The following TMEM74 variants were observed in gnomAD, a reference collection of about 807,000 sequenced individuals.
TMEM74 encodes transmembrane protein 74.
A neutral mutation model predicts 18.1 loss-of-function variants in TMEM74; 13 were observed. That is an observed-to-expected ratio of 0.72 (90% confidence interval 0.47 to 1.14). The LOEUF is 1.14. TMEM74 is among the 50% of genes most tolerant of loss of function. TMEM74 has a pLI of 0.00. For synonymous variants in TMEM74, 159 were observed against 146.6 expected (o/e 1.08, Z -0.61); for missense variants, 372 against 375.9 (o/e 0.99, Z 0.09).
At chr8:108,651,895 A>T (rs1467471996) in intron 2 of TMEM74, among the ~76,000 whole-genome samples, 1 of 151,816 alleles carries the variant, frequency 6.6e-6, no homozygotes, top group East Asian at 1.9e-4. Flanking sequence ...GTACGTTGAG[A>T]TTACAATGAC....
chr8:108,777,094 C>A (rs557213814), downstream of TMEM74, among the ~76,000 whole-genome samples: 43 of 152,292 alleles, frequency 2.8e-4, 1 homozygote, highest in South Asian at 5.6e-3. Flanking sequence ...CTATCAGAGT[C>A]TTGCAAGGCA....
chr8:108,654,312 C>T (rs923938264), intron 2 of TMEM74, among the ~76,000 whole-genome samples: 2 of 152,084 alleles, frequency 1.3e-5, no homozygotes, highest in Non-Finnish European at 2.9e-5. Context: ...CTTACCTTGT[C>T]TGTGTCTTAG....
intron 2 of TMEM74, among the ~76,000 whole-genome samples, chr8:108,613,715 T>C (rs1220814978): frequency 6.6e-6 from 1 of 152,198 alleles, no homozygotes; most frequent in Non-Finnish European, 1.5e-5. Flanking sequence ...TGAATTCACT[T>C]TCAAAGTCCA....
At chr8:108,705,390 A>G (rs1440856708) in intron 1 of TMEM74, among the ~76,000 whole-genome samples, 2 of 152,168 alleles carry the variant, frequency 1.3e-5, no homozygotes, top group African/African-American at 4.8e-5. Context: ...TGATTAGGAG[A>G]GAAAAAGGAG....
At chr8:108,774,114 G>C (rs1377101713), downstream of TMEM74, among the ~76,000 whole-genome samples, 2 of 152,110 alleles carry the variant, frequency 1.3e-5, no homozygotes, top group Non-Finnish European at 2.9e-5. Context: ...TTGATATGTA[G>C]AAATGAAGAA....
chr8:108,734,421 T>A (rs1813725388), intron 1 of TMEM74, among the ~76,000 whole-genome samples: 1 of 152,064 alleles, frequency 6.6e-6, no homozygotes, highest in South Asian at 2.1e-4. Flanking sequence ...CATCAGTCTA[T>A]CTATCTGTTT....
intron 1 of TMEM74, among the ~76,000 whole-genome samples, chr8:108,664,833 A>T (rs76760663): frequency 0.038 from 5,726 of 152,176 alleles, 159 homozygotes; most frequent in East Asian, 0.12. Flanking sequence ...GGTCTAGATC[A>T]TAGATCCGCT....
intron 1 of TMEM74, among the ~76,000 whole-genome samples, chr8:108,686,655 C>G (rs1208529532): frequency 6.7e-6 from 1 of 149,792 alleles, no homozygotes; most frequent in Admixed American, 6.7e-5. Context: ...CTCACTCAGT[C>G]AGGTTCTAAG....
chr8:108,686,667 C>T (rs1813173385), intron 1 of TMEM74, among the ~76,000 whole-genome samples: 1 of 136,122 alleles, frequency 7.3e-6, no homozygotes, highest in Non-Finnish European at 1.6e-5. Context: ...GGTTCTAAGT[C>T]CAACATTTGT....
intron 1 of TMEM74, among the ~76,000 whole-genome samples, chr8:108,726,450 T>C (rs760236878): frequency 6.6e-6 from 1 of 152,204 alleles, no homozygotes; most frequent in African/African-American, 2.4e-5. Flanking sequence ...ATTTTGTAGA[T>C]AGAAGAAACT....
intron 2 of TMEM74, among the ~76,000 whole-genome samples, chr8:108,654,695 C>T (rs924019869): frequency 2.0e-5 from 3 of 151,876 alleles, no homozygotes; most frequent in African/African-American, 7.2e-5. Context: ...AATTATTATG[C>T]CTGAATCAAT....
intron 1 of TMEM74, among the ~76,000 whole-genome samples, chr8:108,750,737 T>C (rs1328239925): frequency 6.6e-6 from 1 of 152,090 alleles, no homozygotes; most frequent in Non-Finnish European, 1.5e-5. Context: ...ACACTGCGCA[T>C]ACTCAACTCC....
chr8:108,783,857 C>G lies in TMEM74; in HGVS notation c.*324G>C, dbSNP rs887926796. On this transcript the variant is annotated 3_prime_UTR_variant, in exon 2 of 2. Transcript: ENST00000297459. The stretch of plus-strand genomic sequence containing the variant: ...CCACCTAGTGTCCAAAGAATAACAT[C>G]ATATATTTGTGTAAAAGAAATAATT... The G allele has an allele frequency of 5.2e-6, 1 of 191,456 alleles. No individual in the cohort carries two copies. The highest frequency in any genetic ancestry group is 2.4e-5 in the African/African-American group (1 of 42,426). 11.9% of individuals were successfully genotyped at this position (191,456 alleles called of 1,614,324 possible).
intron 1 of TMEM74, among the ~76,000 whole-genome samples, chr8:108,750,496 C>A (rs1813893405): frequency 6.6e-6 from 1 of 151,998 alleles, no homozygotes; most frequent in Non-Finnish European, 1.5e-5. Flanking sequence ...GATGGTTTGG[C>A]AGTTATGACA....
intron 1 of TMEM74, among the ~76,000 whole-genome samples, chr8:108,773,384 C>T (rs944215060): frequency 1.3e-5 from 2 of 152,042 alleles, no homozygotes; most frequent in Non-Finnish European, 2.9e-5. Flanking sequence ...AATTAAAATA[C>T]TAATTAAGTA....
chr8:108,722,293 G>A (rs772999334), intron 1 of TMEM74, among the ~76,000 whole-genome samples: 12 of 152,162 alleles, frequency 7.9e-5, no homozygotes, highest in Non-Finnish European at 1.8e-4. Context: ...GGTGTGAGGA[G>A]CACTATTTTA....
At chr8:108,619,672 A>G (rs550452501) in intron 2 of TMEM74, among the ~76,000 whole-genome samples, 2 of 152,298 alleles carry the variant, frequency 1.3e-5, no homozygotes, top group East Asian at 3.9e-4. Flanking sequence ...TGAAGCCTAG[A>G]GTAAGGAGGC....
Position 108,779,129 on chromosome 8 carries a change from G to C in TMEM74, c.*5052C>G, listed in dbSNP as rs564696689. ...TATTTTAAAATGATATGACACACTTGCTATTAACATATAAGGCATCAAGTG... is the reference window on the plus strand; with the variant it reads ...TATTTTAAAATGATATGACACACTTCCTATTAACATATAAGGCATCAAGTG... On this transcript the variant is annotated 3_prime_UTR_variant, in exon 2 of 2. Transcript: ENST00000297459. Among the ~76,000 whole-genome samples, 25 of 152,206 alleles carry C rather than the reference G, an allele frequency of 1.6e-4. No homozygotes were observed. The highest frequency in any genetic ancestry group is 6.0e-4 in the African/African-American group (25 of 41,546).
intron 1 of TMEM74, among the ~76,000 whole-genome samples, chr8:108,666,028 A>G (rs1012855249): frequency 2.0e-5 from 3 of 152,294 alleles, no homozygotes; most frequent in East Asian, 1.9e-4. Context: ...TATTGCCTTG[A>G]TGTTGAATAG....
Sources: gnomAD v4.1 joint callset for allele counts (sites outside exome capture counted in the v4.1 genomes callset) on GRCh38, gnomAD v4.1.1 for gene constraint, MANE v1.5 for transcripts, NCBI Gene and HGNC (gene_info 2026-07-23, HGNC 2026-07-21) for gene names.